Variants in DMD observed in about 807,000 individuals in gnomAD.
DMD encodes the protein dystrophin, also known as mutant dystrophin.
Under a neutral mutation model 330.1 loss-of-function variants are expected in DMD, and 63 were observed. The ratio of observed to expected loss-of-function variants is 0.19; its 90% CI spans 0.16 to 0.24. The LOEUF (loss-of-function observed/expected upper bound fraction) is 0.24, where lower values mean the gene tolerates loss of function less well. DMD is among the 10% of genes least tolerant of loss of function. The pLI is 1.00. For missense variants in DMD, 3,344 were observed against 2,684.1 expected, an observed-to-expected ratio of 1.25 and a Z score of -5.43; for synonymous variants, 1,223 against 959.8, an observed-to-expected ratio of 1.27 and a Z score of -5.07.
At chrX:32,766,289 G>A (rs1052853977) in intron 7 of DMD, among the ~76,000 whole-genome samples, 2 of 110,915 alleles carry the variant, frequency 1.8e-5, no homozygotes, top group Non-Finnish European at 3.8e-5. Flanking sequence ...TGAGTAACTC[G>A]GATACCTCAA....
chrX:31,238,472 G>A lies in DMD; in HGVS notation c.9287-15351C>T, dbSNP rs191923085. Among the ~76,000 whole-genome samples the A allele has an allele frequency of 2.9e-4, 33 of 112,010 alleles. No individual in the cohort carries two copies. In the South Asian group the frequency reaches 5.7e-3, roughly 19 times the overall value. On this transcript the variant is annotated intron_variant, in intron 63 of 78. Transcript: ENST00000357033. ...TCCCTGTAGAGCCAAAGAGAAAAAC[G>A]GAAGTGACAGGCCGATGGCAGAAGG...
intron 47 of DMD, among the ~76,000 whole-genome samples, chrX:31,909,557 C>T (rs955045573): frequency 4.7e-5 from 5 of 105,362 alleles, no homozygotes; most frequent in African/African-American, 1.4e-4. Context: ...AAAACCGGAA[C>T]CTTGATCATA....
intron 60 of DMD, among the ~76,000 whole-genome samples, chrX:31,434,446 A>T (rs774031852): frequency 9.6e-6 from 1 of 103,627 alleles, no homozygotes; most frequent in African/African-American, 3.7e-5. Flanking sequence ...ACACACACAC[A>T]CACACACACA....
chrX:31,690,977 G>T (rs1026029157), intron 52 of DMD, among the ~76,000 whole-genome samples: 1 of 110,403 alleles, frequency 9.1e-6, no homozygotes, highest in Non-Finnish European at 1.9e-5. Flanking sequence ...GTGGGGTGAG[G>T]GGACGGGGGA....
chrX:32,374,272 ATTGT>A (rs1306673889), intron 34 of DMD, among the ~76,000 whole-genome samples: 2 of 110,782 alleles, frequency 1.8e-5, no homozygotes, highest in African/African-American at 6.6e-5. Context: ...TACTGTGTTG[ATTGT>A]TTCTTTTTCT....
chrX:32,767,707 G>T (rs773490500), intron 7 of DMD, among the ~76,000 whole-genome samples: 1 of 111,716 alleles, frequency 9.0e-6, no homozygotes, highest in East Asian at 2.8e-4. Flanking sequence ...TAGGATTTTT[G>T]TAAGGATTAT....
intron 62 of DMD, among the ~76,000 whole-genome samples, chrX:31,282,418 A>C (rs759102669): frequency 9.0e-6 from 1 of 111,113 alleles, no homozygotes; most frequent in Non-Finnish European, 1.9e-5. Context: ...CACCGGTTAT[A>C]TTTCAAGATT....
intron 1 of DMD, among the ~76,000 whole-genome samples, chrX:33,284,442 G>C (rs966686093): frequency 9.1e-6 from 1 of 110,421 alleles, no homozygotes; most frequent in Non-Finnish European, 1.9e-5. Context: ...TTAAACACAA[G>C]ATAAAAATAC....
At chrX:33,006,162 A>T (rs2093392161) in intron 2 of DMD, among the ~76,000 whole-genome samples, 1 of 111,931 alleles carries the variant, frequency 8.9e-6, no homozygotes, top group Non-Finnish European at 1.9e-5. Context: ...TAAAGAAGTC[A>T]GTTCTCCTCA....
upstream of DMD, among the ~76,000 whole-genome samples, chrX:33,213,777 A>G: frequency 8.9e-6 from 1 of 112,046 alleles, no homozygotes; most frequent in East Asian, 2.8e-4. Context: ...TACAATAACT[A>G]CAATTCAGTA....
intron 1 of DMD, among the ~76,000 whole-genome samples, chrX:33,104,709 A>C (rs1378747352): frequency 4.4e-5 from 5 of 112,405 alleles, no homozygotes; most frequent in Non-Finnish European, 9.4e-5. Context: ...CGCGTATGAA[A>C]GAAACATTTA....
At chrX:32,411,113 A>G (rs903210822) in intron 30 of DMD, among the ~76,000 whole-genome samples, 1 of 111,227 alleles carries the variant, frequency 9.0e-6, no homozygotes, top group South Asian at 3.8e-4. Context: ...CTGCTTTCCA[A>G]CAATGCCATA....
chrX:31,201,366 C>T (rs1408581347), intron 67 of DMD, among the ~76,000 whole-genome samples: 1 of 112,264 alleles, frequency 8.9e-6, no homozygotes, highest in Non-Finnish European at 1.9e-5. Flanking sequence ...AAGTTAGACC[C>T]CTTCTGAAAA....
chrX:32,677,135 T>C (rs1298882236), intron 9 of DMD, among the ~76,000 whole-genome samples: 1 of 111,413 alleles, frequency 9.0e-6, no homozygotes. Context: ...AAGAGTCTAG[T>C]GTAAAATATT....
Position 32,956,952 on chromosome X carries a change from C to T in DMD, c.93+63187G>A, listed in dbSNP as rs73466890. Among the ~76,000 whole-genome samples the T allele has an allele frequency of 8.4e-3, 938 of 111,914 alleles. 10 individuals are homozygous for T. The highest frequency in any genetic ancestry group is 0.029 in the African/African-American group (892 of 30,869). ...GTGGACAAAGGGCTCTCTTTCCTTT[C>T]TTCTCATCATAATAAGAATATGCTT... On this transcript the variant is annotated intron_variant, in intron 2 of 78. Transcript: ENST00000357033.
chrX:32,252,553 A>G (rs1181474646), intron 43 of DMD, among the ~76,000 whole-genome samples: 1 of 96,313 alleles, frequency 1.0e-5, no homozygotes, highest in Non-Finnish European at 2.0e-5. Context: ...AATAAAGATT[A>G]TGATGCCTTT....
chrX:31,478,041 C>A, intron 59 of DMD, 65 bp downstream of exon 59: 1 of 1,156,366 alleles, frequency 8.6e-7, no homozygotes, highest in Non-Finnish European at 1.2e-6. Context: ...ACACTGCACT[C>A]AAGTTCAGAT....
At chrX:32,576,966 G>A (rs777668220) in intron 13 of DMD, among the ~76,000 whole-genome samples, 9 of 111,501 alleles carry the variant, frequency 8.1e-5, no homozygotes, top group African/African-American at 2.6e-4. Context: ...ATCTGGATAT[G>A]CCAAATATTA....
At chrX:31,463,736 A>G (rs2066678749) in intron 59 of DMD, among the ~76,000 whole-genome samples, 1 of 111,932 alleles carries the variant, frequency 8.9e-6, no homozygotes, top group South Asian at 3.7e-4. Context: ...TTAATGTGGT[A>G]CATGCACATG....
Sources: allele counts gnomAD v4.1 joint callset (sites outside exome capture counted in the v4.1 genomes callset), GRCh38; gene constraint gnomAD v4.1.1; transcripts MANE v1.5; gene names NCBI Gene and HGNC (gene_info 2026-07-23, HGNC 2026-07-21).